Variants in KDM3B observed in about 807,000 individuals in gnomAD.
KDM3B encodes lysine-specific demethylase 3B.
KDM3B carries 10 observed loss-of-function variants against 170.0 expected under a neutral mutation model. The observed-to-expected ratio is 0.06, with a 90% confidence interval of 0.04 to 0.10. The LOEUF (loss-of-function observed/expected upper bound fraction) is 0.10, where lower values mean the gene tolerates loss of function less well. KDM3B is among the 10% of genes least tolerant of loss of function. KDM3B has a pLI of 1.00. For missense variants in KDM3B, 1,394 were observed against 2,195.2 expected (o/e 0.64, Z 7.29); for synonymous variants, 831 against 834.8 (o/e 1.00, Z 0.08).
At chr5:138,354,582 TG>T (rs920107202) in intron 1 of KDM3B, among the ~76,000 whole-genome samples, 4 of 152,254 alleles carry the variant, frequency 2.6e-5, no homozygotes, top group Admixed American at 2.0e-4. Context: ...GCACCTGAAA[TG>T]GCTCCCCATT....
intron 5 of KDM3B, among the ~76,000 whole-genome samples, chr5:138,381,139 G>A (rs557486707): frequency 6.6e-6 from 1 of 152,258 alleles, no homozygotes; most frequent in South Asian, 2.1e-4. Flanking sequence ...CTCCCAAAAT[G>A]CTGAGATTAC....
chr5:138,436,306 G>C lies in KDM3B; in HGVS notation c.*606G>C, dbSNP rs186313360. ...AATGTGTGTATTTAGTGAAAAATAG[G>C]TTTGTAGTGAAATAGTTACTATTTC... On this transcript the variant is annotated 3_prime_UTR_variant, in exon 24 of 24. Transcript: ENST00000314358. The C allele has an allele frequency of 5.6e-4, 85 of 152,274 alleles. No individual in the cohort carries two copies. Among genetic ancestry groups the C allele is most frequent in the Admixed American group, 1.9e-3 (29 of 15,292 alleles). The allele number at this position is 152,274 out of a possible 1,614,324, so 9.4% of individuals were successfully genotyped here. A position where few individuals can be genotyped will look rare whatever the true frequency, so the allele number is the denominator to read the frequency against.
chr5:138,392,115 T>C lies in KDM3B; in HGVS notation c.2483T>C (p.Leu828Pro). 1 of 1,607,294 alleles carries C rather than the reference T, an allele frequency of 6.2e-7. No homozygotes were observed. Among genetic ancestry groups the C allele is most frequent in the Non-Finnish European group, 8.5e-7 (1 of 1,174,362 alleles). Residue 828 changes from leucine (L) to proline (P), a missense_variant, in exon 8 of 24, where the codon CTG becomes CCG. Transcript: ENST00000314358. ...LSDLSDSEEQ[L>P]QAKTGLKGIP... is the part of the protein sequence containing the mutation. ...GATTTGAGTGACTCTGAGGAGCAGC[T>C]GCAGGCTAAGACAGGCCTGAAGGGA...
intron 9 of KDM3B, among the ~76,000 whole-genome samples, chr5:138,394,480 A>G (rs1421267767): frequency 6.6e-6 from 1 of 152,226 alleles, no homozygotes; most frequent in Non-Finnish European, 1.5e-5. Flanking sequence ...ACAGTTTTAA[A>G]CAGGATGATC....
Position 138,418,976 on chromosome 5 carries a change from C to T in KDM3B, c.3459C>T (p.Ala1153=). ...MSQLPSINPS[A]SSGNETTFSG... ...AGCTTCCTAGCATAAACCCTAGTGC[C>T]TCTTCTGGAAACGAAACTACCTTCT... The change falls in exon 14 of 24, where the codon GCC becomes GCT. Residue 1153 remains alanine, a synonymous_variant. Coordinates refer to ENST00000314358, the MANE Select transcript of KDM3B (RefSeq NM_016604.4). 2.5e-6 allele frequency: 4 copies of T among 1,614,202 alleles called. No individual in the cohort carries two copies. Among genetic ancestry groups the T allele is most frequent in the Non-Finnish European group, 3.4e-6 (4 of 1,180,042 alleles).
intron 14 of KDM3B, 146 bp from the exon 15 acceptor site, chr5:138,420,560 G>T: frequency 1.2e-6 from 1 of 824,116 alleles, no homozygotes; most frequent in East Asian, 2.5e-5. Context: ...TGTAAGGCTT[G>T]ACCCAAACAA....
intron 1 of KDM3B, among the ~76,000 whole-genome samples, chr5:138,361,407 C>T (rs1761607355): frequency 6.6e-6 from 1 of 151,748 alleles, no homozygotes; most frequent in African/African-American, 2.4e-5. Context: ...TTCTCTCTAA[C>T]CAAACTCTGG....
chr5:138,399,499 C>T (rs2126961442), intron 10 of KDM3B, among the ~76,000 whole-genome samples: 1 of 151,886 alleles, frequency 6.6e-6, no homozygotes, highest in South Asian at 2.1e-4. Flanking sequence ...GATCGCGCCA[C>T]TGCACTCCAG....
At chr5:138,410,779 C>T (rs540001479) in intron 11 of KDM3B, among the ~76,000 whole-genome samples, 1 of 152,304 alleles carries the variant, frequency 6.6e-6, no homozygotes, top group East Asian at 1.9e-4. Flanking sequence ...GACAGGGGGC[C>T]CTTCCCTGCC....
intron 7 of KDM3B, among the ~76,000 whole-genome samples, chr5:138,388,881 A>T (rs903031428): frequency 1.3e-5 from 2 of 152,266 alleles, no homozygotes; most frequent in Non-Finnish European, 2.9e-5. Context: ...ATAAAGACAG[A>T]GCCAACAGGA....
chr5:138,409,004 CAA>C (rs1176262044), intron 11 of KDM3B, among the ~76,000 whole-genome samples: 2 of 152,216 alleles, frequency 1.3e-5, no homozygotes, highest in African/African-American at 4.8e-5. Context: ...GACCACAAAA[CAA>C]AGTCTGAAAA....
At chr5:138,360,522 T>TTGTGTGTGTGTGTGTGTGTG (rs55976818) in intron 1 of KDM3B, among the ~76,000 whole-genome samples, 2 of 137,898 alleles carry the variant, frequency 1.5e-5, no homozygotes, top group African/African-American at 5.4e-5. Context: ...TAAAAAAAGA[T>TTGTGTGTGTGTGTGTGTGTG]TGTGTGTGTG....
intron 15 of KDM3B, among the ~76,000 whole-genome samples, chr5:138,421,185 C>T (rs1161332086): frequency 6.6e-6 from 1 of 152,184 alleles, no homozygotes; most frequent in Non-Finnish European, 1.5e-5. Context: ...CGGTCATCAG[C>T]AGAAAAGTTA....
rs1012104377 is a variant in KDM3B at position 138,433,379 on chromosome 5, C to G, written c.5205+1820C>G. On this transcript the variant is annotated intron_variant, in intron 23 of 23. Transcript: ENST00000314358. ...CACCCGCCCTCGGCCTCCCAAAGTG[C>G]TGGGATTACGGATGTGAGCCACTGC... Among the ~76,000 whole-genome samples, 5 of 150,616 alleles carry G rather than the reference C, an allele frequency of 3.3e-5. No individual in the cohort carries two copies. The East Asian group carries it at 7.8e-4, about 24-fold the overall frequency.
At chr5:138,417,061 A>G (rs894225274) in intron 12 of KDM3B, among the ~76,000 whole-genome samples, 6 of 152,164 alleles carry the variant, frequency 3.9e-5, no homozygotes, top group East Asian at 1.9e-4. Context: ...CCTCAAAGCA[A>G]TTCTTCCGCC....
rs767158831 is a variant in KDM3B at position 138,419,668 on chromosome 5, A to AATAT, written c.3715+454_3715+457dup. On this transcript the variant is annotated intron_variant, in intron 14 of 23. Transcript: ENST00000314358. ...ACTCTGTCTCAAAAAAAAAAAAAAA[A>AATAT]ATATATATATATATATATATACATA... Among the ~76,000 whole-genome samples, 602 of 109,212 alleles carry AATAT rather than the reference A, an allele frequency of 5.5e-3. 20 individuals are homozygous for AATAT. The highest frequency in any genetic ancestry group is 0.02 in the African/African-American group (554 of 27,044). 71.6% of individuals were successfully genotyped at this position (109,212 alleles called of 152,430 possible).
intron 1 of KDM3B, among the ~76,000 whole-genome samples, chr5:138,368,600 G>A (rs897149398): frequency 4.6e-5 from 7 of 152,086 alleles, no homozygotes; most frequent in Admixed American, 2.0e-4. Flanking sequence ...GCCAGGAAGC[G>A]AAGTACAGTC....
At chr5:138,414,251 C>T (rs180857218) in intron 11 of KDM3B, among the ~76,000 whole-genome samples, 28 of 152,210 alleles carry the variant, frequency 1.8e-4, no homozygotes, top group African/African-American at 6.0e-4. Context: ...CTGCAAGCTC[C>T]GCCTCCTGGG....
chr5:138,356,936 G>C (rs1318653468), intron 1 of KDM3B, among the ~76,000 whole-genome samples: 1 of 152,108 alleles, frequency 6.6e-6, no homozygotes, highest in Non-Finnish European at 1.5e-5. Flanking sequence ...GAGCCACCGG[G>C]CCTGGCCTCT....
Sources: allele counts gnomAD v4.1 joint callset (sites outside exome capture counted in the v4.1 genomes callset), GRCh38; gene constraint gnomAD v4.1.1; transcripts MANE v1.5; gene names NCBI Gene and HGNC (gene_info 2026-07-23, HGNC 2026-07-21).